UST: variants seen among roughly 807,000 people sequenced by gnomAD.
UST encodes chondroitin sulfate 2-O-sulfotransferase.
UST carries 21 observed loss-of-function variants against 45.6 expected under a neutral mutation model. That is an observed-to-expected ratio of 0.46 (90% CI 0.33 to 0.66). The LOEUF (loss-of-function observed/expected upper bound fraction) is 0.66. Among genes scored for constraint, UST ranks in the 30% least tolerant of loss-of-function variants. UST has a pLI of 0.02. For synonymous variants in UST, 215 were observed against 200.6 expected, an observed-to-expected ratio of 1.07 and a Z score of -0.61; for missense variants, 463 against 512.4, an observed-to-expected ratio of 0.90 and a Z score of 0.93.
intron 1 of UST, among the ~76,000 whole-genome samples, chr6:148,823,003 G>A (rs1777495890): frequency 6.6e-6 from 1 of 152,112 alleles, no homozygotes; most frequent in South Asian, 2.1e-4. Context: ...TGTATTTGTG[G>A]GTAAGTGGGT....
chr6:149,073,737 T>C, intron 7 of UST, 96 bp from the exon 8 acceptor site: 1 of 1,426,096 alleles, frequency 7.0e-7, no homozygotes, highest in South Asian at 1.4e-5. Flanking sequence ...CTTCCTTAGG[T>C]GCTACCAGAG....
chr6:148,750,653 C>T (rs953395959), intron 1 of UST, among the ~76,000 whole-genome samples: 5 of 152,150 alleles, frequency 3.3e-5, no homozygotes, highest in Admixed American at 3.3e-4. Context: ...TGGCTAAAAA[C>T]GATCCATCAC....
chr6:148,750,846 A>G (rs1775975823), intron 1 of UST, among the ~76,000 whole-genome samples: 1 of 152,160 alleles, frequency 6.6e-6, no homozygotes, highest in Non-Finnish European at 1.5e-5. Flanking sequence ...CTGGACAACA[A>G]CTGGGAGTAA....
rs1246452941 is a variant in UST at position 149,014,617 on chromosome 6, G to A, written c.682-4522G>A. ...CTCCTTTTCCTGGACCCAAGTGAGC[G>A]CTAGCCCAGGTGGACTGGAGTATGT... On this transcript the variant is annotated intron_variant, in intron 5 of 7. Transcript: ENST00000367463. Among the ~76,000 whole-genome samples the A allele has an allele frequency of 3.9e-5, 6 of 152,296 alleles. No individual in the cohort carries two copies. In the East Asian group the frequency reaches 9.7e-4, roughly 25 times the overall value.
chr6:148,770,004 T>A (rs902476636), intron 1 of UST, among the ~76,000 whole-genome samples: 2 of 152,168 alleles, frequency 1.3e-5, no homozygotes, highest in African/African-American at 4.8e-5. Context: ...GATCTCTGAC[T>A]GCCTCACTTT....
chr6:148,939,436 C>G (rs1477187731), intron 2 of UST, among the ~76,000 whole-genome samples: 3 of 152,174 alleles, frequency 2.0e-5, no homozygotes, highest in Non-Finnish European at 2.9e-5. Context: ...ACTTACCCTT[C>G]CCTTCCCAAT....
Position 148,747,553 on chromosome 6 carries a change from G to C in UST, c.123G>C (p.Leu41=), listed in dbSNP as rs774135109. 13 of 1,569,794 alleles carry C rather than the reference G, an allele frequency of 8.3e-6. No homozygotes were observed. In the East Asian group the frequency reaches 1.9e-4, roughly 23 times the overall value. The stretch of plus-strand genomic sequence containing the variant: ...GTCGGGTGCCCCTGCTGCCTTTCCT[G>C]CGCTTCTCCCTCCGGGACTACGGCT... ...WKRRVPLLPF[L]RFSLRDYGFC... Residue 41 remains leucine (L), a synonymous_variant, in exon 1 of 8, where the codon CTG becomes CTC. Transcript: ENST00000367463.
chr6:148,895,916 C>T (rs375731323), intron 2 of UST, among the ~76,000 whole-genome samples: 9 of 152,258 alleles, frequency 5.9e-5, no homozygotes, highest in African/African-American at 2.2e-4. Flanking sequence ...ACATTTTTTT[C>T]CCCTTTTAAT....
At chr6:148,860,538 C>T (rs952847825) in intron 1 of UST, among the ~76,000 whole-genome samples, 12 of 152,138 alleles carry the variant, frequency 7.9e-5, no homozygotes, top group African/African-American at 2.9e-4. Flanking sequence ...CTATGTTGAA[C>T]AGGAGTGGTG....
chr6:148,776,374 G>A (rs1215892447), intron 1 of UST, among the ~76,000 whole-genome samples: 1 of 152,156 alleles, frequency 6.6e-6, no homozygotes, highest in East Asian at 1.9e-4. Context: ...TGTTTGCGGT[G>A]GATTTTTGAG....
chr6:148,959,470 C>A lies in UST; in HGVS notation c.528-4940C>A, dbSNP rs548062459. 5.3e-5 allele frequency among the ~76,000 whole-genome samples: 8 copies of A among 152,290 alleles called. No individual in the cohort carries two copies. In the South Asian group the frequency reaches 1.2e-3, roughly 24 times the overall value. ...AGCGCAGAAGTTCCATTTACAAGTG[C>A]GAGTTTTCTCTGGGTTTTGCCTTTG... is the stretch of plus-strand genomic sequence containing the variant. On this transcript the variant is annotated intron_variant, in intron 4 of 7. Transcript: ENST00000367463.
At chr6:148,992,269 C>G (rs902382280) in intron 5 of UST, among the ~76,000 whole-genome samples, 3 of 152,162 alleles carry the variant, frequency 2.0e-5, no homozygotes, top group African/African-American at 7.2e-5. Flanking sequence ...CTTTGAGAGG[C>G]CGAGGCGGGC....
intron 5 of UST, among the ~76,000 whole-genome samples, chr6:148,988,963 C>T (rs1781293746): frequency 6.6e-6 from 1 of 152,142 alleles, no homozygotes; most frequent in Non-Finnish European, 1.5e-5. Context: ...AGGAGTGACC[C>T]AAGCAGTGAG....
rs148570339 is a variant in UST at position 148,916,163 on chromosome 6, A to G, written c.292-25116A>G. On this transcript the variant is annotated intron_variant, in intron 2 of 7. Transcript: ENST00000367463. ...TGATTGAGTACTTACTGCGTGCCAC[A>G]CACTGTTTTGGGTAGTTTACATTTA... Among the ~76,000 whole-genome samples, 319 of 152,334 alleles carry G rather than the reference A, an allele frequency of 2.1e-3. 2 individuals carry two copies. Among genetic ancestry groups the G allele is most frequent in the African/African-American group, 7.2e-3 (300 of 41,566 alleles).
rs538168573 is a variant in UST, at chr6:148,870,762, C to A, written c.248-16224C>A. Among the ~76,000 whole-genome samples the A allele has an allele frequency of 2.6e-5, 4 of 152,310 alleles. No individual in the cohort carries two copies. The South Asian group carries it at 8.3e-4, about 32-fold the overall frequency. On this transcript the variant is annotated intron_variant, in intron 1 of 7. Coordinates refer to ENST00000367463, the MANE Select transcript of UST (RefSeq NM_005715.3). ...CCCAGCACAGGCTGCCCACCATCTC[C>A]TGGGATGCTCTCACCCTCTTTCCTG...
At chr6:148,763,135 T>C (rs1776251960) in intron 1 of UST, among the ~76,000 whole-genome samples, 1 of 152,212 alleles carries the variant, frequency 6.6e-6, no homozygotes, top group African/African-American at 2.4e-5. Flanking sequence ...GTGTACATGT[T>C]CCCATTTCTC....
At position 149,021,219 on chromosome 6, in the gene UST, G is replaced by C; in HGVS notation, c.780-105G>C. ...TGGTCCTTGAGGGAAACAGGATTTG[G>C]ACTTATGCAAGTGAAGGTGGGAGGT... On this transcript the variant is annotated intron_variant, in intron 6 of 7. Transcript: ENST00000367463. 3.1e-6 allele frequency: 4 copies of C among 1,286,464 alleles called. No individual in the cohort carries two copies. The South Asian group carries it at 5.8e-5, about 19-fold the overall frequency. The allele number at this position is 1,286,464 out of a possible 1,614,324, so 79.7% of individuals were successfully genotyped here.
At chr6:148,893,256 C>T (rs567434234) in intron 2 of UST, among the ~76,000 whole-genome samples, 29 of 152,306 alleles carry the variant, frequency 1.9e-4, no homozygotes, top group Middle Eastern at 3.4e-3. Context: ...AATTATTATG[C>T]TGATCCAGCA....
At chr6:149,063,684 C>G (rs1028481549) in intron 7 of UST, among the ~76,000 whole-genome samples, 1 of 152,196 alleles carries the variant, frequency 6.6e-6, no homozygotes, top group African/African-American at 2.4e-5. Flanking sequence ...CACAGCCAAG[C>G]CTTCCTTGAA....
Sources: allele counts gnomAD v4.1 joint callset (sites outside exome capture counted in the v4.1 genomes callset), GRCh38; gene constraint gnomAD v4.1.1; transcripts MANE v1.5; gene names NCBI Gene and HGNC (gene_info 2026-07-23, HGNC 2026-07-21).